The following LOC112694756 variants were observed in gnomAD, a reference collection of about 807,000 sequenced individuals.
chr16:30,060,712 C>T, the LOC112694756 span, among the ~76,000 whole-genome samples: 1 of 152,146 alleles, frequency 6.6e-6, no homozygotes, highest in Non-Finnish European at 1.5e-5. Context: ...CCTTCAAAAG[C>T]CCGCAGAAGT....
chr16:30,055,728 G>C, the LOC112694756 span, among the ~76,000 whole-genome samples: 1 of 152,082 alleles, frequency 6.6e-6, no homozygotes, highest in Non-Finnish European at 1.5e-5. Context: ...TGAGAACTGA[G>C]AACTAAGTTG....
At chr16:30,061,282 C>T in the LOC112694756 span, among the ~76,000 whole-genome samples, 3 of 152,268 alleles carry the variant, frequency 2.0e-5, no homozygotes, top group Admixed American at 6.5e-5. Flanking sequence ...AAGCCCTCTT[C>T]TTTCTTCTTT....
chr16:30,063,683 A>T, the LOC112694756 span: 26 of 399,306 alleles, frequency 6.5e-5, no homozygotes, highest in South Asian at 3.2e-3. Flanking sequence ...AGAGCAACAG[A>T]CGTGGCCCCA....
chr16:30,067,893 T>G, the LOC112694756 span: 1 of 590,564 alleles, frequency 1.7e-6, no homozygotes, highest in South Asian at 1.9e-5. Flanking sequence ...AGTGTTTTGC[T>G]CAGAGTAAGT....
the LOC112694756 span, chr16:30,067,130 A>G: frequency 1.0e-5 from 16 of 1,580,204 alleles, no homozygotes; most frequent in African/African-American, 2.0e-4. Context: ...GGGGCAGGGG[A>G]GGTAGGGAAC....
chr16:30,068,885 T>C, the LOC112694756 span: 13 of 1,614,190 alleles, frequency 8.1e-6, no homozygotes, highest in Admixed American at 1.7e-4. Context: ...CCAAGTGGCG[T>C]TGTGTGCTGA....
At chr16:30,068,062 AT>A in the LOC112694756 span, 48,925 of 176,468 alleles carry the variant, frequency 0.28, 3,535 homozygotes, top group South Asian at 0.34. Flanking sequence ...TTTTAAGTAA[AT>A]TTTTTTTTTT....
the LOC112694756 span, among the ~76,000 whole-genome samples, chr16:30,056,105 GTT>G: frequency 8.4e-6 from 1 of 119,544 alleles, no homozygotes; most frequent in Non-Finnish European, 1.7e-5. Flanking sequence ...CCCAGCCATG[GTT>G]TTTTTTTTTT....
the LOC112694756 span, chr16:30,069,165 T>G: frequency 7.5e-7 from 1 of 1,326,862 alleles, no homozygotes. Context: ...CTGAGGCGGC[T>G]CTTGTCTCCT....
the LOC112694756 span, chr16:30,064,842 G>A: frequency 1.4e-5 from 3 of 217,950 alleles, no homozygotes; most frequent in Non-Finnish European, 1.8e-5. Context: ...GGGCCAACAG[G>A]GTCCAGATGG....
the LOC112694756 span, chr16:30,064,439 T>C: frequency 5.0e-6 from 2 of 398,636 alleles, no homozygotes; most frequent in Non-Finnish European, 8.8e-6. Flanking sequence ...TGGCCAAAGA[T>C]TTATTTCTCT....
At chr16:30,059,118 G>A in the LOC112694756 span, 1 of 397,678 alleles carries the variant, frequency 2.5e-6, no homozygotes, top group Non-Finnish European at 4.4e-6. Context: ...TGGGGCTAGA[G>A]TTTGTGAATC....
chr16:30,063,684 C>T, the LOC112694756 span: 5 of 399,294 alleles, frequency 1.3e-5, no homozygotes, highest in African/African-American at 6.2e-5. Flanking sequence ...GAGCAACAGA[C>T]GTGGCCCCAT....
At chr16:30,059,742 T>C in the LOC112694756 span, among the ~76,000 whole-genome samples, 21 of 151,426 alleles carry the variant, frequency 1.4e-4, no homozygotes, top group African/African-American at 4.6e-4. Context: ...TTTGTATTTT[T>C]AGTAGAGACA....
the LOC112694756 span, among the ~76,000 whole-genome samples, chr16:30,057,680 TA>T: frequency 1.3e-5 from 2 of 152,104 alleles, no homozygotes; most frequent in African/African-American, 4.8e-5. Context: ...CTTTTTCAGA[TA>T]ATCACCTTCT....
the LOC112694756 span, chr16:30,064,603 G>C: frequency 5.0e-6 from 2 of 397,836 alleles, no homozygotes; most frequent in Non-Finnish European, 4.4e-6. Flanking sequence ...AATGTCAGGG[G>C]CTTCAGGTTT....
the LOC112694756 span, among the ~76,000 whole-genome samples, chr16:30,053,802 A>G: frequency 6.6e-6 from 1 of 152,158 alleles, no homozygotes; most frequent in Non-Finnish European, 1.5e-5. Context: ...TGCTAGGGCT[A>G]TCGTGTGTTT....
At chr16:30,054,984 C>T in the LOC112694756 span, 2 of 397,512 alleles carry the variant, frequency 5.0e-6, no homozygotes, top group Non-Finnish European at 8.9e-6. Context: ...ATCCCGGTAA[C>T]CTGTCCCTTC....
chr16:30,069,471 T>C, the LOC112694756 span: 4 of 1,614,038 alleles, frequency 2.5e-6, no homozygotes, highest in East Asian at 2.2e-5. Flanking sequence ...TCCACCCCAC[T>C]ACCCACCGTG....
Sources: allele counts gnomAD v4.1 joint callset (sites outside exome capture counted in the v4.1 genomes callset), GRCh38; gene constraint gnomAD v4.1.1; transcripts MANE v1.5.